Variants in PUDP observed in about 807,000 individuals in gnomAD.
The protein encoded by PUDP is pseudouridine-5'-phosphatase.
PUDP carries 8 observed loss-of-function variants against 9.4 expected under a neutral mutation model. That is an observed-to-expected ratio of 0.85 (90% CI 0.50 to 1.53). The LOEUF is 1.53. Among genes scored for constraint, PUDP ranks in the 40% most tolerant of loss-of-function variants. The pLI is 0.00. For missense variants in PUDP, 188 were observed against 189.7 expected (o/e 0.99, Z 0.05); for synonymous variants, 99 against 80.7 (o/e 1.23, Z -1.22).
At chrX:6,948,466 G>A (rs756811901) in intron 3 of PUDP, among the ~76,000 whole-genome samples, 1 of 111,450 alleles carries the variant, frequency 9.0e-6, no homozygotes, top group Non-Finnish European at 1.9e-5. Flanking sequence ...TTTCTTATTT[G>A]AGAACAGAGC....
chrX:7,135,125 C>A (rs763018131), intron 1 of PUDP, among the ~76,000 whole-genome samples: 1 of 111,548 alleles, frequency 9.0e-6, no homozygotes, highest in Non-Finnish European at 1.9e-5. Flanking sequence ...CTCCAACCTC[C>A]AGTTTCCTAA....
rs1413096366 is a variant in PUDP at position 6,884,767 on chromosome X, C to A, written c.*247+92366G>T. Among the ~76,000 whole-genome samples, 7 of 112,522 alleles carry A rather than the reference C, an allele frequency of 6.2e-5. No homozygotes were observed. The East Asian group carries it at 1.4e-3, about 22-fold the overall frequency. ...ATTTCAACAAGGAAGTCACATGCAA[C>A]TTCCTATCACTGCAGAAGTTTCTGG... On this transcript the variant is annotated intron_variant and NMD_transcript_variant, in intron 3 of 3. Transcript: ENST00000655425.
At chrX:7,062,477 T>G (rs1383653870) in intron 3 of PUDP, among the ~76,000 whole-genome samples, 3 of 111,015 alleles carry the variant, frequency 2.7e-5, no homozygotes, top group African/African-American at 9.8e-5. Context: ...ATGGAAGGTG[T>G]GTGTGGGGTG....
intron 3 of PUDP, among the ~76,000 whole-genome samples, chrX:6,798,554 T>G (rs1217770416): frequency 8.9e-6 from 1 of 111,838 alleles, no homozygotes; most frequent in African/African-American, 3.3e-5. Flanking sequence ...GGGAAAATGA[T>G]GCCCCACAGA....
At chrX:6,813,962 AGGAG>A (rs1926185758) in intron 3 of PUDP, among the ~76,000 whole-genome samples, 15 of 111,516 alleles carry the variant, frequency 1.3e-4, no homozygotes, top group Non-Finnish European at 2.8e-4. Context: ...CATCAAAGGC[AGGAG>A]TGAAACGCAT....
intron 1 of PUDP, among the ~76,000 whole-genome samples, chrX:7,122,958 G>T (rs1268776387): frequency 9.0e-6 from 1 of 111,472 alleles, no homozygotes; most frequent in Non-Finnish European, 1.9e-5. Flanking sequence ...TATCAAGCCA[G>T]ATTTGGAAAC....
chrX:7,095,213 C>T (rs755452777), intron 2 of PUDP, among the ~76,000 whole-genome samples: 8 of 112,498 alleles, frequency 7.1e-5, no homozygotes, highest in Non-Finnish European at 1.5e-4. Flanking sequence ...CATTCCCCAC[C>T]TGGGTTCGAG....
intron 1 of PUDP, among the ~76,000 whole-genome samples, chrX:7,128,947 C>T (rs1932551696): frequency 9.0e-6 from 1 of 111,489 alleles, no homozygotes; most frequent in Non-Finnish European, 1.9e-5. Flanking sequence ...GCCCAAACCC[C>T]CACGATGTCT....
At chrX:7,016,159 C>T (rs1929545746) in intron 1 of PUDP, among the ~76,000 whole-genome samples, 1 of 107,793 alleles carries the variant, frequency 9.3e-6, no homozygotes, top group Non-Finnish European at 1.9e-5. Flanking sequence ...TGCAAGACTC[C>T]ATCTCTGCAA....
intron 1 of PUDP, among the ~76,000 whole-genome samples, chrX:7,012,777 G>A (rs1929495542): frequency 9.0e-6 from 1 of 111,158 alleles, no homozygotes; most frequent in Non-Finnish European, 1.9e-5. Context: ...GTTGCTCCTG[G>A]ATGTATAGAG....
intron 3 of PUDP, among the ~76,000 whole-genome samples, chrX:6,896,912 A>G (rs1927601067): frequency 9.0e-6 from 1 of 111,387 alleles, no homozygotes; most frequent in Admixed American, 9.6e-5. Context: ...TAATTATTGC[A>G]ATTCCATTGT....
At chrX:6,904,304 G>A (rs1713042782) in intron 3 of PUDP, among the ~76,000 whole-genome samples, 3 of 110,349 alleles carry the variant, frequency 2.7e-5, no homozygotes, top group African/African-American at 9.9e-5. Context: ...AACAGGAAGC[G>A]AGTTGTCAGT....
chrX:6,883,966 A>G (rs187977200), intron 3 of PUDP, among the ~76,000 whole-genome samples: 2,216 of 110,668 alleles, frequency 0.02, 58 homozygotes, highest in African/African-American at 0.07. Flanking sequence ...TCAGCCTCCC[A>G]AGTAGCTGGG....
rs1924654032 is a variant in PUDP at position 6,720,260 on chromosome X, A to ATATATG, written n.128+1156_128+1157insCATATA. On this transcript the variant is annotated intron_variant and non_coding_transcript_variant, in intron 1 of 2. Transcript: ENST00000438499. ...TATATATGTATGTGTGTGTGTGTGT[A>ATATATG]TATATATATATATATATATATATAT... Among the ~76,000 whole-genome samples the ATATATG allele has an allele frequency of 2.7e-5, 2 of 73,808 alleles. 1 individual carries two copies. The highest frequency in any genetic ancestry group is 1.2e-4 in the African/African-American group (2 of 16,711). 64.1% of individuals were successfully genotyped at this position (73,808 alleles called of 115,157 possible).
intron 3 of PUDP, among the ~76,000 whole-genome samples, chrX:6,745,038 T>C (rs1249514389): frequency 8.9e-6 from 1 of 111,971 alleles, no homozygotes; most frequent in Non-Finnish European, 1.9e-5. Context: ...CATATATTTT[T>C]ATATCCTTTT....
At chrX:6,979,303 GT>G (rs1928999791) in intron 1 of PUDP, among the ~76,000 whole-genome samples, 1 of 110,450 alleles carries the variant, frequency 9.1e-6, no homozygotes, top group African/African-American at 3.3e-5. Context: ...GTCACTCTCT[GT>G]CCCCCACCAC....
chrX:7,086,436 T>A (rs1392622193), intron 2 of PUDP, among the ~76,000 whole-genome samples: 1 of 112,473 alleles, frequency 8.9e-6, no homozygotes, highest in African/African-American at 3.2e-5. Flanking sequence ...TGTATGTTTA[T>A]CTATTAAAAT....
At chrX:6,711,816 T>A (rs946853249) in intron 1 of PUDP, among the ~76,000 whole-genome samples, 4 of 112,410 alleles carry the variant, frequency 3.6e-5, no homozygotes, top group Non-Finnish European at 7.5e-5. Context: ...TATGGGACCT[T>A]CCCTGCTGTG....
chrX:6,963,093 A>T (rs1270198578), intron 3 of PUDP, among the ~76,000 whole-genome samples: 1 of 112,488 alleles, frequency 8.9e-6, no homozygotes, highest in Non-Finnish European at 1.9e-5. Flanking sequence ...GGAAACTCAG[A>T]TCCACACAGT....
Sources: gnomAD v4.1 joint callset for allele counts (sites outside exome capture counted in the v4.1 genomes callset) on GRCh38, gnomAD v4.1.1 for gene constraint, MANE v1.5 for transcripts, NCBI Gene and HGNC (gene_info 2026-07-23, HGNC 2026-07-21) for gene names.